Variants in FIG4 observed in about 807,000 individuals in gnomAD.
FIG4 encodes the protein FIG4 phosphoinositide 5-phosphatase.
In FIG4, 112 loss-of-function variants were observed where a neutral mutation model predicts 118.6. That is an observed-to-expected ratio of 0.94 (90% CI 0.81 to 1.11). The LOEUF is 1.11. Ranked by LOEUF, FIG4 falls within the 50% of genes least tolerant of loss-of-function variation. FIG4 has a pLI of 0.00. For synonymous variants in FIG4, 369 were observed against 381.2 expected, an observed-to-expected ratio of 0.97 and a Z score of 0.37; for missense variants, 969 against 1,111.7, an observed-to-expected ratio of 0.87 and a Z score of 1.83.
chr6:109,824,985 G>C, intron 22 of FIG4, 103 bp from the exon 23 acceptor site: 1 of 1,081,600 alleles, frequency 9.2e-7, no homozygotes, highest in East Asian at 2.4e-5. Flanking sequence ...AAGTCAGCCT[G>C]CTTATTCAAT....
chr6:109,795,752 C>A (rs905222893), intron 21 of FIG4, among the ~76,000 whole-genome samples: 1 of 151,866 alleles, frequency 6.6e-6, no homozygotes, highest in African/African-American at 2.4e-5. Flanking sequence ...CAGGTGCATG[C>A]CACCATGCCC....
Position 109,743,984 on chromosome 6 carries a change from G to A in FIG4, c.1137+212G>A, listed in dbSNP as rs570227786. Among the ~76,000 whole-genome samples the A allele has an allele frequency of 2.6e-5, 4 of 152,158 alleles. No individual in the cohort carries two copies. The East Asian group carries it at 7.7e-4, about 29-fold the overall frequency. On this transcript the variant is annotated intron_variant, in intron 10 of 22. Coordinates refer to ENST00000230124, the MANE Select transcript of FIG4 (RefSeq NM_014845.6). Reference sequence around the variant, plus strand: ...TTCTCTGCATGGCTGAAAAAAATGAGTAGTATATATCTAAGGGAGTAGAGT... The same window carrying A: ...TTCTCTGCATGGCTGAAAAAAATGAATAGTATATATCTAAGGGAGTAGAGT...
chr6:109,695,007 C>T (rs574715583), intron 1 of FIG4, among the ~76,000 whole-genome samples: 1 of 152,216 alleles, frequency 6.6e-6, no homozygotes, highest in East Asian at 1.9e-4. Context: ...TTAGTATAGC[C>T]ATTATAGAAA....
intron 16 of FIG4, among the ~76,000 whole-genome samples, chr6:109,780,912 A>G (rs1298819235): frequency 3.3e-5 from 5 of 152,252 alleles, no homozygotes; most frequent in Non-Finnish European, 5.9e-5. Flanking sequence ...TTTGATTAAT[A>G]TGGCATACAA....
intron 13 of FIG4, 57 bp from the exon 14 acceptor site, chr6:109,764,956 A>T (rs1777236562): frequency 6.7e-7 from 1 of 1,483,638 alleles, no homozygotes; most frequent in African/African-American, 1.4e-5. Context: ...CTAAAGTAGT[A>T]TGGAAGTTCT....
rs998072893 is a variant in FIG4 at position 109,741,686 on chromosome 6, A to G, written c.876+142A>G. On this transcript the variant is annotated intron_variant, in intron 8 of 22. Transcript: ENST00000230124. Reference sequence around the variant, plus strand: ...AGAATACAGTTGCCTTTTAGTATCAACAAGGGATTGGTTCTAGGAACCCTC... The same window carrying G: ...AGAATACAGTTGCCTTTTAGTATCAGCAAGGGATTGGTTCTAGGAACCCTC... The G allele has an allele frequency of 1.6e-5, 11 of 704,412 alleles. No homozygotes were observed. The African/African-American group carries it at 1.9e-4, about 12-fold the overall frequency. The allele number at this position is 704,412 out of a possible 1,614,324, so 43.6% of individuals were successfully genotyped here.
In FIG4 at chr6:109,735,151, T is replaced by G. The variant is rs1337166091; in HGVS notation, c.499T>G (p.Tyr167Asp). The G allele has an allele frequency of 9.3e-6, 15 of 1,612,148 alleles. No homozygotes were observed. Among genetic ancestry groups the G allele is most frequent in the Non-Finnish European group, 1.2e-5 (14 of 1,178,486 alleles). ...VDLSSNFYFS[Y>D]SYDLSHSLQY... ...ATTAAGTTTCAATTCTGTTCTCAGT[T>G]ACAGCTATGATTTGTCCCACTCACT... Residue 167 changes from tyrosine to aspartate, a missense_variant and splice_region_variant, in exon 6 of 23, where the codon TAC becomes GAC. Physicochemically the swap from Tyr to Asp is radical, Grantham distance 160 (BLOSUM62 -3). Transcript: ENST00000230124.
At chr6:109,779,267 C>G (rs1777722595) in intron 16 of FIG4, among the ~76,000 whole-genome samples, 1 of 152,102 alleles carries the variant, frequency 6.6e-6, no homozygotes, top group South Asian at 2.1e-4. Flanking sequence ...AGCTTGGGAA[C>G]AGCCATAACT....
At chr6:109,706,198 G>A (rs958876348) in intron 1 of FIG4, among the ~76,000 whole-genome samples, 8 of 152,248 alleles carry the variant, frequency 5.3e-5, no homozygotes, top group African/African-American at 1.4e-4. Flanking sequence ...ACTTTCAGAA[G>A]TAAGTACTAC....
At chr6:109,756,953 G>A (rs186008142) in intron 10 of FIG4, among the ~76,000 whole-genome samples, 30 of 152,174 alleles carry the variant, frequency 2.0e-4, no homozygotes, top group East Asian at 5.8e-4. Flanking sequence ...GTCATTCTCC[G>A]TCCAGCTTTG....
chr6:109,697,251 G>C (rs1219234215), intron 1 of FIG4, among the ~76,000 whole-genome samples: 1 of 138,854 alleles, frequency 7.2e-6, no homozygotes, highest in African/African-American at 2.7e-5. Context: ...GACAGAGTGA[G>C]ACTCTGTCTC....
chr6:109,793,260 A>G (rs1396441073), intron 21 of FIG4, among the ~76,000 whole-genome samples: 4 of 152,256 alleles, frequency 2.6e-5, no homozygotes, highest in African/African-American at 4.8e-5. Flanking sequence ...TTCTCACAAA[A>G]TAAATCTGGG....
intron 22 of FIG4, among the ~76,000 whole-genome samples, chr6:109,797,916 T>A (rs1231361097): frequency 2.4e-4 from 34 of 142,216 alleles, no homozygotes; most frequent in Admixed American, 7.0e-4. Flanking sequence ...AAAAAAAAAA[T>A]GAGTCACTGT....
chr6:109,755,870 T>A (rs1776876923), intron 10 of FIG4, among the ~76,000 whole-genome samples: 1 of 152,254 alleles, frequency 6.6e-6, no homozygotes, highest in Admixed American at 6.5e-5. Context: ...AGCACACTGA[T>A]GGGTCTTTAC....
chr6:109,775,885 G>A (rs577806384), intron 15 of FIG4, among the ~76,000 whole-genome samples: 1 of 152,336 alleles, frequency 6.6e-6, no homozygotes, highest in East Asian at 1.9e-4. Flanking sequence ...AATGAGAACA[G>A]TGTTGCTAAT....
At chr6:109,705,186 C>G (rs1436570899) in intron 1 of FIG4, among the ~76,000 whole-genome samples, 5 of 151,962 alleles carry the variant, frequency 3.3e-5, no homozygotes, top group Admixed American at 3.3e-4. Context: ...TGCTGAGGTC[C>G]ATTTTGAAGC....
intron 15 of FIG4, among the ~76,000 whole-genome samples, chr6:109,772,572 T>C (rs1256929765): frequency 6.6e-6 from 1 of 152,160 alleles, no homozygotes; most frequent in African/African-American, 2.4e-5. Flanking sequence ...CTCCCCTGCC[T>C]CAGCCTTCCG....
chr6:109,778,881 G>A (rs373000176), intron 16 of FIG4, among the ~76,000 whole-genome samples: 4 of 152,168 alleles, frequency 2.6e-5, no homozygotes. Flanking sequence ...TTACAGGCGT[G>A]AGCCACCGCG....
Position 109,777,061 on chromosome 6 carries a change from G to T in FIG4, c.1889+1G>T. Reference sequence around the variant, plus strand: ...TGAGACTTTTGCCAACAAGAAGAAGGTATTTTTCTTCCTAGTCTGTAATAT... The same window carrying T: ...TGAGACTTTTGCCAACAAGAAGAAGTTATTTTTCTTCCTAGTCTGTAATAT... On this transcript the variant is annotated splice_donor_variant, in intron 16 of 22. Transcript: ENST00000230124. LOFTEE classifies it high-confidence loss of function. 1 of 1,612,642 alleles carries T rather than the reference G, an allele frequency of 6.2e-7. No individual in the cohort carries two copies. Among genetic ancestry groups the T allele is most frequent in the Non-Finnish European group, 8.5e-7 (1 of 1,178,896 alleles).
Sources: allele counts gnomAD v4.1 joint callset (sites outside exome capture counted in the v4.1 genomes callset), GRCh38; gene constraint gnomAD v4.1.1; transcripts MANE v1.5; gene names NCBI Gene and HGNC (gene_info 2026-07-23, HGNC 2026-07-21).